ARFGAP1: variants seen among roughly 807,000 people sequenced by gnomAD.
The protein encoded by ARFGAP1 is ARF GTPase activating protein 1, also known as ADP-ribosylation factor GTPase-activating protein 1.
Under a neutral mutation model 54.0 loss-of-function variants are expected in ARFGAP1, and 26 were observed. The observed-to-expected ratio is 0.48, with a 90% CI of 0.35 to 0.67. ARFGAP1 has a LOEUF of 0.67. ARFGAP1 is among the 30% of genes least tolerant of loss of function. ARFGAP1 has a pLI of 0.00. For missense variants in ARFGAP1, 525 were observed against 535.8 expected (o/e 0.98, Z 0.20); for synonymous variants, 248 against 211.9 (o/e 1.17, Z -1.48).
Position 63,284,899 on chromosome 20 carries a change from G to A in ARFGAP1, c.751G>A (p.Val251Ile), listed in dbSNP as rs147317838. 14 of 1,613,188 alleles carry A rather than the reference G, an allele frequency of 8.7e-6. No individual in the cohort carries two copies. The highest frequency in any genetic ancestry group is 1.3e-5 in the African/African-American group (1 of 75,030). The change falls in exon 10 of 13, where the codon GTC (valine) becomes ATC (isoleucine). Residue 251 changes from valine (V) to isoleucine (I), a missense_variant. Physicochemically the swap from Val to Ile is conservative, Grantham distance 29. This residue lies in a region of ARFGAP1 where 466 missense variants were observed against 453.6 expected (regional missense o/e 1.03). Transcript: ENST00000370283. ...GCTGGGCCACAGCCTGAACGAGAAC[G>A]TCCTCAAGCCTGCGCAGGAGAAGGT... ...SELGHSLNEN[V>I]LKPAQEKVKE...
rs1455474493 is a variant in ARFGAP1 at position 63,275,640 on chromosome 20, C to T, written c.60C>T (p.Asn20=). 3.7e-6 allele frequency: 6 copies of T among 1,613,664 alleles called. No homozygotes were observed. Among genetic ancestry groups the T allele is most frequent in the East Asian group, 4.5e-5 (2 of 44,904 alleles). The change falls in exon 2 of 13, where the codon AAC becomes AAT. Residue 20 remains asparagine, a splice_region_variant and synonymous_variant. Transcript: ENST00000370283. ...AAGTCAGGGTGCAGGATGAGAACAA[C>T]GTAAGCCTCTGCCCCCCACCCCCCG... ...LKEVRVQDEN[N]VCFECGAFNP... is the part of the protein sequence containing the mutation.
chr20:63,278,053 C>A, intron 5 of ARFGAP1, 64 bp from the exon 6 acceptor site: 1 of 1,474,184 alleles, frequency 6.8e-7, no homozygotes, highest in Non-Finnish European at 9.5e-7. Flanking sequence ...TCTGGGGGTG[C>A]TTCTGGGGTT....
At chr20:63,281,992 G>A (rs528747377) in intron 8 of ARFGAP1, among the ~76,000 whole-genome samples, 3 of 152,216 alleles carry the variant, frequency 2.0e-5, no homozygotes, top group East Asian at 1.9e-4. Context: ...GTCACGGTGC[G>A]CACCTGTCAG....
chr20:63,275,231 C>T (rs1282128434), intron 1 of ARFGAP1, among the ~76,000 whole-genome samples: 1 of 152,236 alleles, frequency 6.6e-6, no homozygotes, highest in Non-Finnish European at 1.5e-5. Context: ...TTTTTAAAGA[C>T]TACCCCTTGC....
chr20:63,288,527 AAT>A lies in ARFGAP1; in HGVS notation c.*656_*657del, dbSNP rs1568750171. 4 of 455,880 alleles carry A rather than the reference AAT, an allele frequency of 8.8e-6. No individual in the cohort carries two copies. The highest frequency in any genetic ancestry group is 4.7e-5 in the Admixed American group (2 of 42,578). The allele number at this position is 455,880 out of a possible 1,614,324, so 28.2% of individuals were successfully genotyped here. ...CAGGTTCACCAGACACGGCCTCCAC[AAT>A]AGCCACACCCACACCTGAGCTGTTC... On this transcript the variant is annotated 3_prime_UTR_variant, in exon 13 of 13. Transcript: ENST00000370283.
rs1029155511 is a variant in ARFGAP1 at position 63,276,814 on chromosome 20, G to A, written c.342+163G>A. The A allele has an allele frequency of 1.3e-5, 10 of 797,116 alleles. No individual in the cohort carries two copies. Among genetic ancestry groups the A allele is most frequent in the South Asian group, 4.3e-5 (2 of 46,974 alleles). The allele number at this position is 797,116 out of a possible 1,614,324, so 49.4% of individuals were successfully genotyped here. A position where few individuals can be genotyped will look rare whatever the true frequency, so the allele number is the denominator to read the frequency against. ...TGCCGCCCTGGAGCAGAGGCTTCCTGCCCAGAGGGGAGGCAAATGGCTTGC... is the reference window on the plus strand; with the variant it reads ...TGCCGCCCTGGAGCAGAGGCTTCCTACCCAGAGGGGAGGCAAATGGCTTGC... On this transcript the variant is annotated intron_variant, in intron 4 of 12. Transcript: ENST00000370283. The surrounding 1 kb of genome is among the most constrained non-coding windows in gnomAD (Gnocchi z 5.2).
chr20:63,277,341 A>C, intron 5 of ARFGAP1, 36 bp downstream of exon 5: 1 of 1,572,888 alleles, frequency 6.4e-7, no homozygotes. Context: ...TACAGTTTCC[A>C]CTGGGTCCTG....
intron 12 of ARFGAP1, 32 bp from the exon 13 acceptor site, chr20:63,287,532 C>T (rs1171461451): frequency 6.5e-7 from 1 of 1,543,748 alleles, no homozygotes; most frequent in South Asian, 1.2e-5. Context: ...GAGTAACAGT[C>T]ATTTAGAGTC....
At chr20:63,275,031 A>G (rs1221451243) in intron 1 of ARFGAP1, among the ~76,000 whole-genome samples, 2 of 152,156 alleles carry the variant, frequency 1.3e-5, no homozygotes, top group Non-Finnish European at 2.9e-5. Context: ...CAGGTCCCCC[A>G]GCAGGCTGGA....
intron 9 of ARFGAP1, chr20:63,284,425 A>C: frequency 9.3e-7 from 1 of 1,077,958 alleles, no homozygotes; most frequent in Non-Finnish European, 1.1e-6. Flanking sequence ...CTTTCTCAGC[A>C]GCTTCTTCCT....
In ARFGAP1 at chr20:63,287,676, A is replaced by C; in HGVS notation, c.1024A>C (p.Lys342Gln). ...AAGTGCTGAGCCCACCAAGACCCGC[A>C]AGTCCCCGAGCAGCGACAGCTGGAC... Reference protein sequence around the residue: ...FGSAEPTKTRKSPSSDSWTCA... With the variant: ...FGSAEPTKTRQSPSSDSWTCA... The change falls in exon 13 of 13, where the codon AAG (lysine) becomes CAG (glutamine). Residue 342 changes from lysine to glutamine, a missense_variant. Physicochemically the swap from Lys to Gln is moderately conservative, Grantham distance 53. Around this residue, in one of 3 missense-constraint regions of ARFGAP1, gnomAD observed 466 missense variants for 453.6 expected, o/e 1.03. Transcript: ENST00000370283. 6.2e-7 allele frequency: 1 copy of C among 1,612,572 alleles called. No homozygotes were observed. The highest frequency in any genetic ancestry group is 8.5e-7 in the Non-Finnish European group (1 of 1,179,932).
In ARFGAP1 at chr20:63,287,861, C is replaced by T; in HGVS notation, c.1209C>T (p.Asn403=). The T allele has an allele frequency of 1.3e-6, 2 of 1,548,618 alleles. No homozygotes were observed. The highest frequency in any genetic ancestry group is 1.7e-6 in the Non-Finnish European group (2 of 1,146,286). The change falls in exon 13 of 13, where the codon AAC becomes AAT. Residue 403 remains asparagine, a synonymous_variant. Transcript: ENST00000370283. ...TGCCCACTGATGATGGCTGGGACAA[C>T]CAGAACTGGTAGGGCCCACTGCGCC... The part of the protein sequence containing the change: ...PAVPTDDGWD[N]QNW
At chr20:63,280,522 G>A (rs756280367) in intron 7 of ARFGAP1, among the ~76,000 whole-genome samples, 2 of 152,256 alleles carry the variant, frequency 1.3e-5, no homozygotes, top group African/African-American at 2.4e-5. Flanking sequence ...AAATAAGCAG[G>A]TTTAAAGCGG....
intron 12 of ARFGAP1, among the ~76,000 whole-genome samples, 168 bp downstream of exon 12, chr20:63,286,610 C>G (rs538710385): frequency 6.7e-6 from 1 of 148,710 alleles, no homozygotes; most frequent in East Asian, 2.0e-4. Context: ...CACTGTGGAG[C>G]CTCTCCGGGA....
In ARFGAP1 at chr20:63,285,729, G is replaced by A. The variant is rs1264236816; in HGVS notation, c.834+16G>A. 5.6e-6 allele frequency: 9 copies of A among 1,612,214 alleles called. No homozygotes were observed. In the Admixed American group the frequency reaches 1.3e-4, roughly 24 times the overall value. On this transcript the variant is annotated intron_variant, in intron 11 of 12. Transcript: ENST00000370283. ...GGCGTCCAAGGTAGGGAGCCTGCCA[G>A]ATACGCGGGCACAGTCGAAGCCAGT...
At chr20:63,284,577 C>T in intron 9 of ARFGAP1, 1 of 1,292,462 alleles carries the variant, frequency 7.7e-7, no homozygotes. Flanking sequence ...CCTGTTCCCA[C>T]CAGCCCGGCC....
intron 7 of ARFGAP1, 189 bp downstream of exon 7, chr20:63,279,184 G>T: frequency 1.5e-6 from 1 of 664,424 alleles, no homozygotes. Flanking sequence ...GATCCCAAAT[G>T]TATTCAATCA....
chr20:63,286,186 C>T, intron 11 of ARFGAP1, 180 bp from the exon 12 acceptor site: 2 of 1,549,742 alleles, frequency 1.3e-6, no homozygotes, highest in Non-Finnish European at 1.7e-6. Flanking sequence ...ACACACCTGG[C>T]ACCGCTGCAG....
intron 1 of ARFGAP1, chr20:63,273,322 T>C (rs1021956905): frequency 1.9e-4 from 29 of 152,328 alleles, no homozygotes; most frequent in African/African-American, 7.0e-4. Context: ...AACACCCTTT[T>C]CCCGAGCTCC....
Sources: allele counts gnomAD v4.1 joint callset (sites outside exome capture counted in the v4.1 genomes callset), GRCh38; gene constraint gnomAD v4.1.1; regional missense constraint gnomAD v4.1.1; non-coding constraint Gnocchi (gnomAD v3.1); transcripts MANE v1.5; gene names NCBI Gene and HGNC (gene_info 2026-07-23, HGNC 2026-07-21).